Variants in TAFA1 observed in about 807,000 individuals in gnomAD.
TAFA1 encodes TAFA chemokine like family member 1.
Under a neutral mutation model 18.5 loss-of-function variants are expected in TAFA1, and 4 were observed. That is an observed-to-expected ratio of 0.22 (90% confidence interval 0.11 to 0.49). The LOEUF (loss-of-function observed/expected upper bound fraction) is 0.49, where lower values mean the gene tolerates loss of function less well. TAFA1 is among the 20% of genes least tolerant of loss of function. The pLI is 0.98. For synonymous variants in TAFA1, 56 were observed against 55.2 expected (o/e 1.01, Z -0.06); for missense variants, 147 against 169.0 (o/e 0.87, Z 0.72).
chr3:68,428,566 A>T (rs553254565), intron 3 of TAFA1, among the ~76,000 whole-genome samples: 32 of 151,996 alleles, frequency 2.1e-4, no homozygotes, highest in African/African-American at 7.7e-4. Context: ...GTAAGAACAG[A>T]TGGGTTTGAG....
At chr3:68,013,405 G>A (rs1704510216) in intron 2 of TAFA1, among the ~76,000 whole-genome samples, 1 of 152,026 alleles carries the variant, frequency 6.6e-6, no homozygotes, top group African/African-American at 2.4e-5. Flanking sequence ...ATTCAATTTT[G>A]ACAGCTACTC....
chr3:68,370,780 G>GTTTTTTTTTT (rs34524243), intron 2 of TAFA1, among the ~76,000 whole-genome samples: 2 of 122,134 alleles, frequency 1.6e-5, no homozygotes, highest in Non-Finnish European at 3.3e-5. Context: ...TGTTTTCGTT[G>GTTTTTTTTTT]TTTTTTTTTT....
At chr3:68,287,751 A>G (rs770967080) in intron 2 of TAFA1, among the ~76,000 whole-genome samples, 1 of 152,150 alleles carries the variant, frequency 6.6e-6, no homozygotes, top group African/African-American at 2.4e-5. Context: ...TAAACTTCCA[A>G]TTAGGGCTAT....
At chr3:68,167,870 T>A (rs1240102245) in intron 2 of TAFA1, among the ~76,000 whole-genome samples, 1 of 151,726 alleles carries the variant, frequency 6.6e-6, no homozygotes, top group African/African-American at 2.4e-5. Context: ...AGAGACATTG[T>A]CCCCCTACCC....
rs181320910 is a variant in TAFA1 at position 68,016,752 on chromosome 3, G to A, written c.118+10008G>A. 1.1e-4 allele frequency among the ~76,000 whole-genome samples: 17 copies of A among 152,232 alleles called. No homozygotes were observed. The East Asian group carries it at 2.9e-3, about 26-fold the overall frequency. On this transcript the variant is annotated intron_variant, in intron 2 of 4. Transcript: ENST00000478136. ...AAATTTGCTTGTATGGTGATGTATG[G>A]TGACATTGTTGGTGACATTCACTGC... is the stretch of plus-strand genomic sequence containing the variant.
chr3:68,521,093 T>C (rs531071168), intron 3 of TAFA1, among the ~76,000 whole-genome samples: 4 of 152,358 alleles, frequency 2.6e-5, no homozygotes, highest in Non-Finnish European at 4.4e-5. Flanking sequence ...GCAGCAATTT[T>C]CCTGAACTGT....
At chr3:68,494,686 T>C (rs553310009) in intron 3 of TAFA1, among the ~76,000 whole-genome samples, 54 of 152,350 alleles carry the variant, frequency 3.5e-4, no homozygotes, top group Non-Finnish European at 5.0e-4. Context: ...AGCTCTGGGC[T>C]GATTATTTTT....
At chr3:68,350,538 T>G (rs952873366) in intron 2 of TAFA1, among the ~76,000 whole-genome samples, 1 of 152,124 alleles carries the variant, frequency 6.6e-6, no homozygotes, top group African/African-American at 2.4e-5. Context: ...AGGATCTGCA[T>G]TTTTAAAAAG....
intron 2 of TAFA1, among the ~76,000 whole-genome samples, chr3:68,151,300 A>T (rs941133732): frequency 6.6e-6 from 1 of 152,326 alleles, no homozygotes; most frequent in African/African-American, 2.4e-5. Context: ...TGTGAAGGCT[A>T]AAATTATATT....
At chr3:68,536,653 G>T (rs1411851966) in intron 3 of TAFA1, among the ~76,000 whole-genome samples, 2 of 152,142 alleles carry the variant, frequency 1.3e-5, no homozygotes, top group East Asian at 3.8e-4. Context: ...AGGCATTAAG[G>T]GAAATATAGA....
At chr3:68,211,031 C>T (rs2066590548) in intron 2 of TAFA1, among the ~76,000 whole-genome samples, 1 of 151,988 alleles carries the variant, frequency 6.6e-6, no homozygotes, top group African/African-American at 2.4e-5. Flanking sequence ...ATCATTTGGA[C>T]TTCTTTATGG....
intron 3 of TAFA1, among the ~76,000 whole-genome samples, chr3:68,431,933 C>T (rs1441569967): frequency 1.3e-5 from 2 of 151,864 alleles, no homozygotes; most frequent in Non-Finnish European, 2.9e-5. Flanking sequence ...ATCAAGTAAG[C>T]GTGAGGAACA....
At chr3:68,251,546 G>GGAAGGAGAAAGT (rs1230969024) in intron 2 of TAFA1, among the ~76,000 whole-genome samples, 3 of 152,150 alleles carry the variant, frequency 2.0e-5, no homozygotes, top group Admixed American at 6.5e-5. Flanking sequence ...GACAATATGT[G>GGAAGGAGAAAGT]GAAGGAGAAA....
intron 2 of TAFA1, among the ~76,000 whole-genome samples, chr3:68,292,424 C>A (rs201873573): frequency 7.9e-4 from 112 of 141,140 alleles, no homozygotes; most frequent in East Asian, 1.5e-3. Flanking sequence ...AAAAAAAAAA[C>A]AAAAAAAAAA....
intron 2 of TAFA1, chr3:68,145,447 AT>A: frequency 1.1e-6 from 1 of 869,652 alleles, no homozygotes; most frequent in Admixed American, 1.7e-5. Flanking sequence ...TGAAAGGCTT[AT>A]TAGAACAAGG....
chr3:68,384,254 T>C (rs981142817), intron 2 of TAFA1, among the ~76,000 whole-genome samples: 2 of 151,988 alleles, frequency 1.3e-5, no homozygotes, highest in African/African-American at 4.8e-5. Context: ...TTTCCTACTT[T>C]TTGTTGTGGT....
At chr3:68,007,971 C>A (rs1438400092) in intron 2 of TAFA1, among the ~76,000 whole-genome samples, 1 of 152,230 alleles carries the variant, frequency 6.6e-6, no homozygotes, top group African/African-American at 2.4e-5. Flanking sequence ...CGCGCCTGCA[C>A]CAGGCTGCAG....
intron 2 of TAFA1, among the ~76,000 whole-genome samples, chr3:68,398,215 A>G (rs1026414926): frequency 7.2e-5 from 11 of 152,218 alleles, no homozygotes; most frequent in Non-Finnish European, 1.5e-4. Context: ...ACTGGTACCA[A>G]AACAAATATA....
chr3:68,111,775 T>TGAGA (rs148118362), intron 2 of TAFA1, among the ~76,000 whole-genome samples: 1 of 26,232 alleles, frequency 3.8e-5, no homozygotes, highest in Non-Finnish European at 1.2e-4. Flanking sequence ...GACACACACA[T>TGAGA]GAGAAAGAGA....
Sources: allele counts gnomAD v4.1 joint callset (sites outside exome capture counted in the v4.1 genomes callset), GRCh38; gene constraint gnomAD v4.1.1; transcripts MANE v1.5; gene names NCBI Gene and HGNC (gene_info 2026-07-23, HGNC 2026-07-21).